The following PPP1R42 variants were observed in gnomAD, a reference collection of about 807,000 sequenced individuals.
PPP1R42 encodes the protein leucine rich repeat containing 67.
A neutral mutation model predicts 31.0 loss-of-function variants in PPP1R42; 34 were observed. That is an observed-to-expected ratio of 1.10 (90% CI 0.83 to 1.46). The LOEUF (loss-of-function observed/expected upper bound fraction) is 1.46, where lower values mean the gene tolerates loss of function less well. Ranked by LOEUF, PPP1R42 falls within the 40% of genes most tolerant of loss-of-function variation. The pLI, the probability that PPP1R42 is intolerant of heterozygous loss-of-function variation, is 0.00. For missense variants in PPP1R42, 268 were observed against 303.0 expected (o/e 0.88, Z 0.86); for synonymous variants, 103 against 109.8 (o/e 0.94, Z 0.39).
chr8:67,028,491 C>G lies in PPP1R42; in HGVS notation c.-85G>C. ...CGCTTATTCCCCGCGGGCAGCTCAC[C>G]GCTCGCGGGACAGTCCGGTAGCTAA... On this transcript the variant is annotated splice_region_variant and 5_prime_UTR_variant, in exon 1 of 8. Coordinates refer to ENST00000685739, the MANE Select transcript of PPP1R42 (RefSeq NM_001364910.1). 2.0e-6 allele frequency: 2 copies of G among 985,512 alleles called. No individual in the cohort carries two copies. Among genetic ancestry groups the G allele is most frequent in the African/African-American group, 1.7e-5 (1 of 57,388 alleles). 61.0% of individuals were successfully genotyped at this position (985,512 alleles called of 1,614,324 possible).
At chr8:67,006,731 G>A (rs548308308) in intron 5 of PPP1R42, among the ~76,000 whole-genome samples, 16 of 147,210 alleles carry the variant, frequency 1.1e-4, no homozygotes, top group African/African-American at 3.7e-4. Context: ...ACGCCTTGAG[G>A]GTAGAGGCTT....
Position 66,988,494 on chromosome 8 carries a change from C to T in PPP1R42, c.576G>A (p.Lys192=), listed in dbSNP as rs143591340. Residue 192 remains lysine, a synonymous_variant, in exon 6 of 8, where the codon AAG becomes AAA. Coordinates refer to ENST00000685739, the MANE Select transcript of PPP1R42 (RefSeq NM_001364910.1). ...HVKDLEFLLN[K]LMKLWKIDLN... is the part of the protein sequence containing the mutation. ...GATCAATTTTCCACAGCTTCATCAA[C>T]TTGTTCAGTAAAAACTCCAAATCCT... is the stretch of plus-strand genomic sequence containing the variant. 1.2e-6 allele frequency: 2 copies of T among 1,607,260 alleles called. No homozygotes were observed. Among genetic ancestry groups the T allele is most frequent in the African/African-American group, 2.7e-5 (2 of 74,530 alleles).
chr8:67,018,549 T>C (rs1395976799), intron 1 of PPP1R42, among the ~76,000 whole-genome samples: 2 of 148,556 alleles, frequency 1.3e-5, no homozygotes. Flanking sequence ...ACTCTCGCTC[T>C]GTCGCCAGGC....
Position 67,017,611 on chromosome 8 carries a change from G to A in PPP1R42, c.129+8C>T. On this transcript the variant is annotated splice_region_variant and intron_variant, in intron 2 of 7. Coordinates refer to ENST00000685739, the MANE Select transcript of PPP1R42 (RefSeq NM_001364910.1). ...ATATAAAATAGGAAATAATTTCAAA[G>A]TTCTTACAATTGCATCTATATTTTT... The A allele has an allele frequency of 7.2e-7, 1 of 1,391,092 alleles. No homozygotes were observed. 86.2% of individuals were successfully genotyped at this position (1,391,092 alleles called of 1,614,324 possible). A position where few individuals can be genotyped will look rare whatever the true frequency, so the allele number is the denominator to read the frequency against.
In PPP1R42 at chr8:66,995,465, C is replaced by G. The variant is rs537295193; in HGVS notation, c.553-6948G>C. Among the ~76,000 whole-genome samples, 15 of 152,228 alleles carry G rather than the reference C, an allele frequency of 9.9e-5. No homozygotes were observed. In the South Asian group the frequency reaches 1.0e-3, roughly 11 times the overall value. The stretch of plus-strand genomic sequence containing the variant: ...GGGAAAAGCAACTTTTGGTATATAC[C>G]AACAGCTGGAACTCAGTGAATGGTT... On this transcript the variant is annotated intron_variant, in intron 5 of 7. Coordinates refer to ENST00000685739, the MANE Select transcript of PPP1R42 (RefSeq NM_001364910.1).
At chr8:66,992,473 G>A (rs79139121) in intron 5 of PPP1R42, among the ~76,000 whole-genome samples, 5,798 of 152,152 alleles carry the variant, frequency 0.038, 243 homozygotes, top group African/African-American at 0.09. Flanking sequence ...AAGCAATGCT[G>A]TAAGAACATC....
At chr8:67,026,030 G>T (rs958513206) in intron 1 of PPP1R42, among the ~76,000 whole-genome samples, 10 of 144,244 alleles carry the variant, frequency 6.9e-5, no homozygotes, top group Admixed American at 2.1e-4. Flanking sequence ...GAAAAAATAA[G>T]AGCATAGTAA....
chr8:67,027,118 C>T (rs976163950), intron 1 of PPP1R42: 1 of 152,062 alleles, frequency 6.6e-6, no homozygotes, highest in Non-Finnish European at 1.5e-5. Flanking sequence ...CCAGGCTGGT[C>T]TGGAACTCCT....
chr8:66,969,780 CCTGGCT>C (rs1428365305), intron 7 of PPP1R42, among the ~76,000 whole-genome samples: 1 of 152,160 alleles, frequency 6.6e-6, no homozygotes, highest in Non-Finnish European at 1.5e-5. Context: ...AAGTATGTCC[CCTGGCT>C]CTGTTTACTT....
At chr8:66,985,271 C>T (rs1473159103) in intron 6 of PPP1R42, 16 of 982,532 alleles carry the variant, frequency 1.6e-5, no homozygotes, top group Admixed American at 3.7e-5. Context: ...CGCTGGGAAG[C>T]GACAGTGGAG....
At chr8:67,009,069 G>A (rs1157345567) in intron 5 of PPP1R42, among the ~76,000 whole-genome samples, 1 of 151,894 alleles carries the variant, frequency 6.6e-6, no homozygotes, top group African/African-American at 2.4e-5. Context: ...TCAGGAGTTC[G>A]AGACCAGCCT....
chr8:66,985,484 CT>C, intron 6 of PPP1R42: 1 of 1,061,652 alleles, frequency 9.4e-7, no homozygotes, highest in East Asian at 2.4e-5. Context: ...TTAATTTGGT[CT>C]TTTAACTCCC....
chr8:66,981,116 A>G (rs1040948822), intron 7 of PPP1R42, among the ~76,000 whole-genome samples: 39 of 152,242 alleles, frequency 2.6e-4, no homozygotes, highest in African/African-American at 8.7e-4. Flanking sequence ...TGCTGGGATT[A>G]CAGGCATGAG....
intron 6 of PPP1R42, among the ~76,000 whole-genome samples, chr8:66,987,287 C>CTT (rs71249412): frequency 0.023 from 2,421 of 105,882 alleles, 45 homozygotes; most frequent in African/African-American, 0.029. Flanking sequence ...AGCAAATGAT[C>CTT]TTTTTTTTTT....
chr8:66,989,066 T>C (rs1451960785), intron 5 of PPP1R42, among the ~76,000 whole-genome samples: 1 of 152,208 alleles, frequency 6.6e-6, no homozygotes, highest in Non-Finnish European at 1.5e-5. Context: ...TATGCTGTTA[T>C]GTATCCTTCT....
At chr8:67,020,603 G>A (rs931854853) in intron 1 of PPP1R42, among the ~76,000 whole-genome samples, 7 of 152,168 alleles carry the variant, frequency 4.6e-5, no homozygotes, top group Admixed American at 3.9e-4. Context: ...ACAAAATAAG[G>A]ATAATAATAG....
chr8:67,018,506 G>C (rs1376918291), intron 1 of PPP1R42, among the ~76,000 whole-genome samples: 2 of 149,484 alleles, frequency 1.3e-5, no homozygotes, highest in Non-Finnish European at 3.0e-5. Flanking sequence ...CATGATCATA[G>C]TGCACTGCAA....
intron 6 of PPP1R42, 50 bp from the exon 7 acceptor site, chr8:66,982,230 TAA>T: frequency 2.3e-6 from 2 of 878,416 alleles, no homozygotes; most frequent in Non-Finnish European, 3.1e-6. Flanking sequence ...CATATAAACA[TAA>T]GTCAAAATAT....
At chr8:66,995,013 C>A (rs1408276688) in intron 5 of PPP1R42, among the ~76,000 whole-genome samples, 1 of 152,150 alleles carries the variant, frequency 6.6e-6, no homozygotes. Flanking sequence ...ATGTCCATTT[C>A]TTTTTCCCCA....
Sources: gnomAD v4.1 joint callset for allele counts (sites outside exome capture counted in the v4.1 genomes callset) on GRCh38, gnomAD v4.1.1 for gene constraint, MANE v1.5 for transcripts, NCBI Gene and HGNC (gene_info 2026-07-23, HGNC 2026-07-21) for gene names.